The following CADM2 variants were observed in gnomAD, a reference collection of about 807,000 sequenced individuals.
CADM2 encodes immunoglobulin superfamily member 4D.
Under a neutral mutation model 49.8 loss-of-function variants are expected in CADM2, and 12 were observed. The ratio of observed to expected loss-of-function variants is 0.24; its 90% confidence interval spans 0.15 to 0.39. The LOEUF is 0.39. Ranked by LOEUF, CADM2 falls within the 10% of genes least tolerant of loss-of-function variation. The pLI, the probability that CADM2 is intolerant of heterozygous loss-of-function variation, is 1.00. For missense variants in CADM2, 378 were observed against 492.3 expected (o/e 0.77, Z 2.20); for synonymous variants, 214 against 175.4 (o/e 1.22, Z -1.74).
rs187973337 is a variant in CADM2, at chr3:85,224,694, A to G, written c.61+265026A>G. Among the ~76,000 whole-genome samples, 275 of 152,152 alleles carry G rather than the reference A, an allele frequency of 1.8e-3. 1 individual carries two copies. The highest frequency in any genetic ancestry group is 6.3e-3 in the African/African-American group (263 of 41,520). ...CTTTGCCCATCCCTATGCCCTGAATAGTATTGCCTAAGTTTTCTTCTAGGG... is the reference window on the plus strand; with the variant it reads ...CTTTGCCCATCCCTATGCCCTGAATGGTATTGCCTAAGTTTTCTTCTAGGG... On this transcript the variant is annotated intron_variant, in intron 1 of 9. Transcript: ENST00000383699.
chr3:85,573,119 A>C (rs2062527035), intron 1 of CADM2, among the ~76,000 whole-genome samples: 1 of 152,086 alleles, frequency 6.6e-6, no homozygotes, highest in African/African-American at 2.4e-5. Flanking sequence ...TTCAACATCT[A>C]CATGACAATC....
chr3:85,103,748 A>G (rs1016682338), intron 1 of CADM2, among the ~76,000 whole-genome samples: 2 of 152,194 alleles, frequency 1.3e-5, no homozygotes, highest in Non-Finnish European at 2.9e-5. Flanking sequence ...GCAAAAGCAC[A>G]TACGAAACAA....
intron 2 of CADM2, among the ~76,000 whole-genome samples, chr3:85,750,409 T>G (rs2068812409): frequency 6.6e-6 from 1 of 152,100 alleles, no homozygotes; most frequent in Non-Finnish European, 1.5e-5. Flanking sequence ...CAAAGTGGAA[T>G]TGTACAAGCA....
At chr3:85,267,608 T>C (rs1033519396) in intron 1 of CADM2, among the ~76,000 whole-genome samples, 2 of 151,800 alleles carry the variant, frequency 1.3e-5, no homozygotes, top group East Asian at 3.9e-4. Context: ...AGTTCCATGA[T>C]GGCAGGGATT....
intron 1 of CADM2, among the ~76,000 whole-genome samples, chr3:85,616,471 A>G (rs2063802918): frequency 6.6e-6 from 1 of 152,132 alleles, no homozygotes; most frequent in Non-Finnish European, 1.5e-5. Flanking sequence ...ATGAAATTTT[A>G]CTTTGATGAT....
At chr3:85,899,902 T>C (rs1176925182) in intron 5 of CADM2, among the ~76,000 whole-genome samples, 1 of 152,122 alleles carries the variant, frequency 6.6e-6, no homozygotes, top group Non-Finnish European at 1.5e-5. Context: ...AAGCGAATAC[T>C]GGGGGGAGCA....
intron 1 of CADM2, among the ~76,000 whole-genome samples, chr3:85,513,722 T>C (rs1018240533): frequency 6.6e-6 from 1 of 152,012 alleles, no homozygotes; most frequent in Non-Finnish European, 1.5e-5. Context: ...GTAAGCATTC[T>C]AGACTGCATG....
rs535746539 is a variant in CADM2 at position 85,603,007 on chromosome 3, A to G, written c.62-123515A>G. On this transcript the variant is annotated intron_variant, in intron 1 of 9. Coordinates refer to ENST00000383699, the MANE Select transcript of CADM2 (RefSeq NM_001167675.2). The stretch of plus-strand genomic sequence containing the variant: ...ACAAGCAGAGTTAAGCAAACCCCCT[A>G]TGTACACCAGGTTATAGTGTCTTTC... Among the ~76,000 whole-genome samples, 5 of 151,936 alleles carry G rather than the reference A, an allele frequency of 3.3e-5. No homozygotes were observed. In the South Asian group the frequency reaches 1.0e-3, roughly 32 times the overall value.
intron 1 of CADM2, among the ~76,000 whole-genome samples, chr3:85,718,813 C>A (rs2067391151): frequency 6.6e-6 from 1 of 150,740 alleles, no homozygotes; most frequent in South Asian, 2.1e-4. Flanking sequence ...TAGGTAAAAT[C>A]TTACAATAAA....
At chr3:85,582,405 C>T (rs1051729133) in intron 1 of CADM2, among the ~76,000 whole-genome samples, 2 of 152,090 alleles carry the variant, frequency 1.3e-5, no homozygotes, top group Non-Finnish European at 2.9e-5. Context: ...GCTTGTTAAA[C>T]GAGATTTTTA....
intron 5 of CADM2, among the ~76,000 whole-genome samples, chr3:85,902,188 C>T (rs575125254): frequency 5.3e-5 from 8 of 152,064 alleles, no homozygotes; most frequent in African/African-American, 1.9e-4. Context: ...GCTTCACGTA[C>T]CTTAAGTGCT....
intron 1 of CADM2, among the ~76,000 whole-genome samples, chr3:85,426,146 T>C (rs1378388244): frequency 6.6e-6 from 1 of 152,024 alleles, no homozygotes; most frequent in Non-Finnish European, 1.5e-5. Flanking sequence ...TTTTTTTCTT[T>C]TTTTTTATGT....
chr3:85,673,751 T>C (rs924778298), intron 1 of CADM2, among the ~76,000 whole-genome samples: 55 of 152,244 alleles, frequency 3.6e-4, no homozygotes, highest in African/African-American at 1.3e-3. Context: ...AAATTAATTT[T>C]GCTACACCTT....
At chr3:85,622,115 A>T (rs749542438) in intron 1 of CADM2, among the ~76,000 whole-genome samples, 1 of 152,220 alleles carries the variant, frequency 6.6e-6, no homozygotes, top group Non-Finnish European at 1.5e-5. Context: ...TTACATATGG[A>T]TGGAAACTAT....
At chr3:85,460,524 A>G (rs905046418) in intron 1 of CADM2, among the ~76,000 whole-genome samples, 1 of 152,182 alleles carries the variant, frequency 6.6e-6, no homozygotes, top group African/African-American at 2.4e-5. Flanking sequence ...TGAAGGAGGT[A>G]TGAAGGTTAT....
chr3:85,233,819 G>A (rs2042353703), intron 1 of CADM2, among the ~76,000 whole-genome samples: 1 of 152,014 alleles, frequency 6.6e-6, no homozygotes, highest in Non-Finnish European at 1.5e-5. Flanking sequence ...AGCCAAATTA[G>A]AGTATATGAG....
intron 1 of CADM2, among the ~76,000 whole-genome samples, chr3:84,986,650 GC>G (rs1410525122): frequency 6.6e-6 from 1 of 151,762 alleles, no homozygotes; most frequent in East Asian, 1.9e-4. Flanking sequence ...TATACCTAAT[GC>G]TAAATGACGA....
Position 85,214,457 on chromosome 3 carries a change from T to C in CADM2, c.61+254789T>C, listed in dbSNP as rs368637346. Among the ~76,000 whole-genome samples, 271 of 151,876 alleles carry C rather than the reference T, an allele frequency of 1.8e-3. 1 individual carries two copies. The highest frequency in any genetic ancestry group is 6.3e-3 in the African/African-American group (260 of 41,412). ...TGCCTGGCTACTGCCTGTATTCCCT[T>C]AAGGCCCATGGACTCTGCTATCAGC... On this transcript the variant is annotated intron_variant, in intron 1 of 9. Transcript: ENST00000383699.
At chr3:85,611,779 A>G (rs2063689158) in intron 1 of CADM2, among the ~76,000 whole-genome samples, 1 of 151,498 alleles carries the variant, frequency 6.6e-6, no homozygotes, top group Admixed American at 6.6e-5. Flanking sequence ...TGGAACATTG[A>G]AATGGGAAGA....
Sources: gnomAD v4.1 joint callset for allele counts (sites outside exome capture counted in the v4.1 genomes callset) on GRCh38, gnomAD v4.1.1 for gene constraint, MANE v1.5 for transcripts, NCBI Gene and HGNC (gene_info 2026-07-23, HGNC 2026-07-21) for gene names.